Variants in DCUN1D5 observed in about 807,000 individuals in gnomAD.
DCUN1D5 encodes DCN1-like protein 5.
In DCUN1D5, 10 loss-of-function variants were observed where a neutral mutation model predicts 38.3. The ratio of observed to expected loss-of-function variants is 0.26; its 90% CI spans 0.16 to 0.44. The LOEUF (loss-of-function observed/expected upper bound fraction) is 0.44, where lower values mean the gene tolerates loss of function less well. Among genes scored for constraint, DCUN1D5 ranks in the 20% least tolerant of loss-of-function variants. The pLI, the probability that DCUN1D5 is intolerant of heterozygous loss-of-function variation, is 1.00. For synonymous variants in DCUN1D5, 93 were observed against 90.9 expected (o/e 1.02, Z -0.13); for missense variants, 148 against 275.3 (o/e 0.54, Z 3.27).
chr11:103,084,182 T>A (rs1862640024), intron 2 of DCUN1D5, among the ~76,000 whole-genome samples: 1 of 152,196 alleles, frequency 6.6e-6, no homozygotes, highest in Non-Finnish European at 1.5e-5. Flanking sequence ...TGTAATAATA[T>A]GAGAAATGTG....
chr11:103,083,862 T>C lies in DCUN1D5; in HGVS notation c.179-536A>G, dbSNP rs866063643. Among the ~76,000 whole-genome samples, 11 of 152,314 alleles carry C rather than the reference T, an allele frequency of 7.2e-5. No homozygotes were observed. In the South Asian group the frequency reaches 8.3e-4, roughly 11 times the overall value. On this transcript the variant is annotated intron_variant, in intron 2 of 7. Transcript: ENST00000260247. This position sits in a 1 kb window ranked among gnomAD's most constrained non-coding sequence, Gnocchi z 4.4. ...CAAAGGTATTTTGAAAATAATGACT[T>C]ATGGAAATTACTACATTCCATTTCC... is the stretch of plus-strand genomic sequence containing the variant.
chr11:103,076,952 A>G (rs1169033319), intron 4 of DCUN1D5, among the ~76,000 whole-genome samples: 1 of 152,208 alleles, frequency 6.6e-6, no homozygotes, highest in Non-Finnish European at 1.5e-5. Context: ...TAATCCCAGT[A>G]CTTTGGAAGG....
intron 4 of DCUN1D5, among the ~76,000 whole-genome samples, chr11:103,081,721 G>A (rs1862568775): frequency 6.6e-6 from 1 of 152,008 alleles, no homozygotes; most frequent in South Asian, 2.1e-4. Context: ...TTCCATTCAA[G>A]AAATTATGAT....
chr11:103,083,162 ATCTTC>A lies in DCUN1D5; in HGVS notation c.249+89_249+93del. The A allele has an allele frequency of 1.5e-6, 1 of 679,820 alleles. No homozygotes were observed. The allele number at this position is 679,820 out of a possible 1,614,324, so 42.1% of individuals were successfully genotyped here. ...ACAATATTAAACATGAAGAAATAAA[ATCTTC>A]ATACAAGATTAAAGTGTCTCGATTT... On this transcript the variant is annotated intron_variant, in intron 3 of 7. Transcript: ENST00000260247. This position sits in a 1 kb window ranked among gnomAD's most constrained non-coding sequence, Gnocchi z 4.4.
At position 103,054,308 on chromosome 11, in the gene DCUN1D5, C is replaced by T. The variant is rs1320060155; in HGVS notation, c.*8051G>A. Reference sequence around the variant, plus strand: ...TAGAATTGTCTCCATAATCTTTAGACGTGTTAATAGGAAAAGCATCTCTCT... The same window carrying T: ...TAGAATTGTCTCCATAATCTTTAGATGTGTTAATAGGAAAAGCATCTCTCT... On this transcript the variant is annotated 3_prime_UTR_variant, in exon 8 of 8. Transcript: ENST00000260247. The T allele has an allele frequency of 1.3e-5, 2 of 152,044 alleles. No individual in the cohort carries two copies. The highest frequency in any genetic ancestry group is 2.4e-5 in the African/African-American group (1 of 41,410). The allele number at this position is 152,044 out of a possible 1,614,324, so 9.4% of individuals were successfully genotyped here. A position where few individuals can be genotyped will look rare whatever the true frequency, so the allele number is the denominator to read the frequency against.
At position 103,073,344 on chromosome 11, in the gene DCUN1D5, G is replaced by C. The variant is rs772663768; in HGVS notation, c.342-6777C>G. Among the ~76,000 whole-genome samples, 5 of 152,078 alleles carry C rather than the reference G, an allele frequency of 3.3e-5. No individual in the cohort carries two copies. The highest frequency in any genetic ancestry group is 5.9e-5 in the Non-Finnish European group (4 of 68,014). On this transcript the variant is annotated intron_variant, in intron 4 of 7. Coordinates refer to ENST00000260247, the MANE Select transcript of DCUN1D5 (RefSeq NM_032299.4). The surrounding 1 kb of genome is among the most constrained non-coding windows in gnomAD (Gnocchi z 4.2). The stretch of plus-strand genomic sequence containing the variant: ...ATCAGGAATATTAAGAGTATTCAAA[G>C]ACTCAAAACAGTAAAAATGTCAATT...
rs1454427431 is a variant in DCUN1D5 at position 103,051,614 on chromosome 11, AAC to A, written c.*10743_*10744del. On this transcript the variant is annotated 3_prime_UTR_variant, in exon 8 of 8. Coordinates refer to ENST00000260247, the MANE Select transcript of DCUN1D5 (RefSeq NM_032299.4). The stretch of plus-strand genomic sequence containing the variant: ...CAATATCATTTATTCTTTGTCATTA[AAC>A]AAATATTTGGAACCCACTACATTCA... 6.6e-6 allele frequency: 1 copy of A among 151,214 alleles called. No homozygotes were observed. Among genetic ancestry groups the A allele is most frequent in the African/African-American group, 2.4e-5 (1 of 41,064 alleles). The allele number at this position is 151,214 out of a possible 1,614,324, so 9.4% of individuals were successfully genotyped here.
At position 103,064,938 on chromosome 11, in the gene DCUN1D5, A is replaced by G. The variant is rs533672969; in HGVS notation, c.556-561T>C. On this transcript the variant is annotated intron_variant, in intron 6 of 7. Coordinates refer to ENST00000260247, the MANE Select transcript of DCUN1D5 (RefSeq NM_032299.4). This position sits in a 1 kb window ranked among gnomAD's most constrained non-coding sequence, Gnocchi z 4.5. ...GTATTATAAAGATTTTTAAAAATAT[A>G]TGCCAAACAACCTGCACATAACAAG... 5.3e-5 allele frequency among the ~76,000 whole-genome samples: 8 copies of G among 152,356 alleles called. No homozygotes were observed. In the East Asian group the frequency reaches 1.5e-3, roughly 29 times the overall value.
rs1031493019 is a variant in DCUN1D5, at chr11:103,078,418, T to C, written c.341+4330A>G. ...AACCTCCTGAGAGCACATCAAATTTTTGTGTCTAGCAGTACATGTGCCTCT... is the reference window on the plus strand; with the variant it reads ...AACCTCCTGAGAGCACATCAAATTTCTGTGTCTAGCAGTACATGTGCCTCT... On this transcript the variant is annotated intron_variant, in intron 4 of 7. Transcript: ENST00000260247. The surrounding 1 kb of genome is among the most constrained non-coding windows in gnomAD (Gnocchi z 4.6). Among the ~76,000 whole-genome samples the C allele has an allele frequency of 2.6e-5, 4 of 152,332 alleles. No homozygotes were observed. Among genetic ancestry groups the C allele is most frequent in the South Asian group, 2.1e-4 (1 of 4,826 alleles).
intron 4 of DCUN1D5, among the ~76,000 whole-genome samples, chr11:103,067,569 A>C (rs1159039458): frequency 6.6e-6 from 1 of 152,204 alleles, no homozygotes. Context: ...CTCAAAACTG[A>C]ATTTTAGTTA....
intron 4 of DCUN1D5, among the ~76,000 whole-genome samples, chr11:103,076,523 C>A (rs1246826613): frequency 6.6e-6 from 1 of 152,184 alleles, no homozygotes; most frequent in Non-Finnish European, 1.5e-5. Context: ...TCAAGTCAAA[C>A]AGATTGGTTA....
chr11:103,069,736 G>A (rs1862224867), intron 4 of DCUN1D5, among the ~76,000 whole-genome samples: 1 of 152,098 alleles, frequency 6.6e-6, no homozygotes, highest in East Asian at 1.9e-4. Context: ...CAGTCACAAG[G>A]GATATCCTTC....
chr11:103,072,759 G>A (rs974572819), intron 4 of DCUN1D5, among the ~76,000 whole-genome samples: 22 of 139,052 alleles, frequency 1.6e-4, no homozygotes, highest in African/African-American at 5.8e-4. Flanking sequence ...GGGGCCTGTC[G>A]GGGGGTGGGG....
chr11:103,060,309 A>G lies in DCUN1D5; in HGVS notation c.*2050T>C, dbSNP rs1317117076. 1.3e-5 allele frequency among the ~76,000 whole-genome samples: 2 copies of G among 152,176 alleles called. No homozygotes were observed. The highest frequency in any genetic ancestry group is 4.8e-5 in the African/African-American group (2 of 41,448). ...AAGTAAATTTCATTTTCAGACTCAA[A>G]AAGTCTTAAAGGTATCTTTGGATAA... On this transcript the variant is annotated 3_prime_UTR_variant, in exon 8 of 8. Transcript: ENST00000260247.
chr11:103,061,647 G>A lies in DCUN1D5; in HGVS notation c.*712C>T, dbSNP rs1053488407. Among the ~76,000 whole-genome samples, 4 of 145,662 alleles carry A rather than the reference G, an allele frequency of 2.7e-5. No homozygotes were observed. In the South Asian group the frequency reaches 6.5e-4, roughly 24 times the overall value. On this transcript the variant is annotated 3_prime_UTR_variant, in exon 8 of 8. Coordinates refer to ENST00000260247, the MANE Select transcript of DCUN1D5 (RefSeq NM_032299.4). ...AAACAAAATTCCCTATATAATGACA[G>A]TTAAAAATATAAATATGCTATTATC...
rs974516445 is a variant in DCUN1D5, at chr11:103,059,633, T to C, written c.*2726A>G. Among the ~76,000 whole-genome samples the C allele has an allele frequency of 3.9e-5, 6 of 151,944 alleles. No individual in the cohort carries two copies. Among genetic ancestry groups the C allele is most frequent in the African/African-American group, 1.5e-4 (6 of 41,372 alleles). On this transcript the variant is annotated 3_prime_UTR_variant, in exon 8 of 8. Coordinates refer to ENST00000260247, the MANE Select transcript of DCUN1D5 (RefSeq NM_032299.4). ...AGACAATAGAAGACAAACATGGTAA[T>C]GCAGTCAGGCCAGCACACAATACAC...
rs1031143131 is a variant in DCUN1D5, at chr11:103,060,211, G to A, written c.*2148C>T. Among the ~76,000 whole-genome samples the A allele has an allele frequency of 6.6e-6, 1 of 152,116 alleles. No homozygotes were observed. Among genetic ancestry groups the A allele is most frequent in the African/African-American group, 2.4e-5 (1 of 41,430 alleles). ...GATGGAGCAATAGAGTAAAGCAAGC[G>A]TGGCCTCAGTGGTACTGGACTCCAA... On this transcript the variant is annotated 3_prime_UTR_variant, in exon 8 of 8. Transcript: ENST00000260247.
rs1862021222 is a variant in DCUN1D5, at chr11:103,061,923, A to T, written c.*436T>A. On this transcript the variant is annotated 3_prime_UTR_variant, in exon 8 of 8. Transcript: ENST00000260247. The stretch of plus-strand genomic sequence containing the variant: ...TTCCAAATTGTGCAGAGATGACTAT[A>T]ATGAGCCATACCATCAGCAGACTAT... Among the ~76,000 whole-genome samples, 3 of 152,240 alleles carry T rather than the reference A, an allele frequency of 2.0e-5. No homozygotes were observed. In the South Asian group the frequency reaches 6.2e-4, roughly 32 times the overall value.
In DCUN1D5 at chr11:103,073,085, T is replaced by C. The variant is rs565311251; in HGVS notation, c.342-6518A>G. Among the ~76,000 whole-genome samples the C allele has an allele frequency of 2.0e-5, 3 of 152,302 alleles. No individual in the cohort carries two copies. The highest frequency in any genetic ancestry group is 2.1e-4 in the South Asian group (1 of 4,824). On this transcript the variant is annotated intron_variant, in intron 4 of 7. Coordinates refer to ENST00000260247, the MANE Select transcript of DCUN1D5 (RefSeq NM_032299.4). This position sits in a 1 kb window ranked among gnomAD's most constrained non-coding sequence, Gnocchi z 4.2. ...CATATAAAAATCAATTGTATTTCTA[T>C]ATATTAGTAATGAACATGTGGACAC...
Sources: gnomAD v4.1 joint callset for allele counts (sites outside exome capture counted in the v4.1 genomes callset) on GRCh38, gnomAD v4.1.1 for gene constraint, Gnocchi (gnomAD v3.1) non-coding constraint, MANE v1.5 for transcripts, NCBI Gene and HGNC (gene_info 2026-07-23, HGNC 2026-07-21) for gene names.